CDH18: variants seen among roughly 807,000 people sequenced by gnomAD.
CDH18 encodes cadherin 18, also known as cadherin-18.
A neutral mutation model predicts 67.9 loss-of-function variants in CDH18; 31 were observed. The ratio of observed to expected loss-of-function variants is 0.46; its 90% confidence interval spans 0.34 to 0.62. CDH18 has a LOEUF of 0.62. Ranked by LOEUF, CDH18 falls within the 20% of genes least tolerant of loss-of-function variation. The pLI is 0.01. For missense variants in CDH18, 890 were observed against 975.5 expected (o/e 0.91, Z 1.17); for synonymous variants, 362 against 347.2 (o/e 1.04, Z -0.48).
chr5:20,431,082 C>T (rs1044967528), intron 1 of CDH18, among the ~76,000 whole-genome samples: 4 of 152,082 alleles, frequency 2.6e-5, no homozygotes, highest in South Asian at 2.1e-4. Flanking sequence ...TGAAATCTAC[C>T]ACTAATTCTT....
At position 20,268,593 on chromosome 5, in the gene CDH18, T is replaced by C. The variant is rs563822062; in HGVS notation, c.-579-13088A>G. On this transcript the variant is annotated intron_variant, in intron 1 of 14. Coordinates refer to the CDH18 transcript ENST00000507958. ...TCTATAGCACATTTTAAAAATTAGC[T>C]GGGCATGGTTATCTTCCCAACTACT... Among the ~76,000 whole-genome samples, 6 of 152,142 alleles carry C rather than the reference T, an allele frequency of 3.9e-5. No homozygotes were observed. The East Asian group carries it at 9.7e-4, about 25-fold the overall frequency.
At chr5:19,627,461 G>C (rs1420118480) in intron 5 of CDH18, among the ~76,000 whole-genome samples, 1 of 152,102 alleles carries the variant, frequency 6.6e-6, no homozygotes, top group African/African-American at 2.4e-5. Context: ...GCATTTATTT[G>C]CAATAAAATA....
At chr5:20,358,423 G>A (rs759159819) in intron 1 of CDH18, among the ~76,000 whole-genome samples, 4 of 152,164 alleles carry the variant, frequency 2.6e-5, no homozygotes, top group Non-Finnish European at 4.4e-5. Flanking sequence ...TTCCTATCAG[G>A]TGATAAAGGG....
intron 1 of CDH18, among the ~76,000 whole-genome samples, chr5:20,382,757 A>G (rs1428286806): frequency 6.6e-6 from 1 of 152,088 alleles, no homozygotes; most frequent in African/African-American, 2.4e-5. Context: ...CACTGGCTTT[A>G]CTCTGTTTTA....
intron 1 of CDH18, among the ~76,000 whole-genome samples, chr5:19,981,991 A>G (rs1283659275): frequency 6.6e-6 from 1 of 152,200 alleles, no homozygotes; most frequent in East Asian, 1.9e-4. Context: ...TTTCTTCCCA[A>G]ACAGATGGCA....
intron 1 of CDH18, among the ~76,000 whole-genome samples, chr5:20,560,468 T>TACACATACACAC (rs1554019494): frequency 7.8e-6 from 1 of 127,606 alleles, no homozygotes; most frequent in Admixed American, 8.1e-5. Flanking sequence ...CCAACACTCA[T>TACACATACACAC]ACACACACAC....
chr5:20,025,479 C>T (rs985167449), intron 2 of CDH18, among the ~76,000 whole-genome samples: 2 of 151,962 alleles, frequency 1.3e-5, no homozygotes, highest in African/African-American at 4.8e-5. Context: ...GTCACATTTC[C>T]ATCTAGGAAA....
intron 12 of CDH18, among the ~76,000 whole-genome samples, chr5:19,476,149 A>G (rs1003460464): frequency 2.0e-5 from 3 of 152,060 alleles, no homozygotes; most frequent in Admixed American, 6.6e-5. Flanking sequence ...TGAAGGAACC[A>G]AAAAGACAGG....
intron 1 of CDH18, among the ~76,000 whole-genome samples, chr5:20,546,750 G>GAC (rs4002054): frequency 0.22 from 33,375 of 150,940 alleles, 3,909 homozygotes; most frequent in East Asian, 0.41. Flanking sequence ...TACATACATA[G>GAC]ACACACACAC....
chr5:19,654,004 A>G (rs1425204620), intron 5 of CDH18, among the ~76,000 whole-genome samples: 1 of 152,134 alleles, frequency 6.6e-6, no homozygotes, highest in Non-Finnish European at 1.5e-5. Context: ...CCCTAACTAG[A>G]GCTGAGTCAT....
intron 5 of CDH18, among the ~76,000 whole-genome samples, chr5:19,677,630 G>T (rs1408618487): frequency 6.6e-6 from 1 of 151,684 alleles, no homozygotes; most frequent in Non-Finnish European, 1.5e-5. Context: ...GTTGAATGAA[G>T]AAGCAAGTCC....
intron 2 of CDH18, among the ~76,000 whole-genome samples, chr5:20,253,833 T>G (rs950404117): frequency 6.6e-6 from 1 of 152,160 alleles, no homozygotes; most frequent in African/African-American, 2.4e-5. Context: ...TTTGAAGATA[T>G]AGTCCACAAA....
intron 1 of CDH18, among the ~76,000 whole-genome samples, chr5:20,265,491 T>C (rs56048186): frequency 0.28 from 42,890 of 151,756 alleles, 7,095 homozygotes; most frequent in Non-Finnish European, 0.37. Context: ...AGTTTATTTC[T>C]GAATGCCCAG....
At chr5:20,385,596 C>A (rs1744253713) in intron 1 of CDH18, among the ~76,000 whole-genome samples, 1 of 152,064 alleles carries the variant, frequency 6.6e-6, no homozygotes, top group South Asian at 2.1e-4. Context: ...GGCTCCCAGG[C>A]TTTTGTAAAC....
intron 7 of CDH18, among the ~76,000 whole-genome samples, chr5:19,573,239 T>C (rs558815589): frequency 2.6e-5 from 4 of 152,052 alleles, no homozygotes; most frequent in South Asian, 4.2e-4. Flanking sequence ...TAGAAATAAA[T>C]TGCCAAAATA....
chr5:20,430,689 G>T (rs1338182858), intron 1 of CDH18, among the ~76,000 whole-genome samples: 1 of 152,142 alleles, frequency 6.6e-6, no homozygotes, highest in Non-Finnish European at 1.5e-5. Flanking sequence ...AAGCTAAACA[G>T]ATGGTGAGCC....
chr5:19,727,851 A>C (rs1767052652), intron 4 of CDH18, among the ~76,000 whole-genome samples: 1 of 152,186 alleles, frequency 6.6e-6, no homozygotes, highest in African/African-American at 2.4e-5. Flanking sequence ...TTTGAACATC[A>C]GGCACTTCTA....
intron 1 of CDH18, among the ~76,000 whole-genome samples, chr5:20,368,097 G>A (rs1393619388): frequency 6.6e-6 from 1 of 152,152 alleles, no homozygotes; most frequent in Non-Finnish European, 1.5e-5. Context: ...TGAAATGTGA[G>A]CACATTTAAT....
intron 10 of CDH18, among the ~76,000 whole-genome samples, chr5:19,514,310 T>A (rs1310048930): frequency 6.6e-6 from 1 of 152,080 alleles, no homozygotes; most frequent in African/African-American, 2.4e-5. Flanking sequence ...GAACATACAT[T>A]TGCATGTGTC....
Sources: allele counts gnomAD v4.1 joint callset (sites outside exome capture counted in the v4.1 genomes callset), GRCh38; gene constraint gnomAD v4.1.1; transcripts MANE v1.5; gene names NCBI Gene and HGNC (gene_info 2026-07-23, HGNC 2026-07-21).